Variants in POLR1A observed in about 807,000 individuals in gnomAD.
POLR1A encodes RNA polymerase I subunit A.
Under a neutral mutation model 205.3 loss-of-function variants are expected in POLR1A, and 84 were observed. That is an observed-to-expected ratio of 0.41 (90% CI 0.34 to 0.49). The LOEUF (loss-of-function observed/expected upper bound fraction) is 0.49. Ranked by LOEUF, POLR1A falls within the 20% of genes least tolerant of loss-of-function variation. The probability of loss-of-function intolerance (pLI) is 0.22; values close to 1 mark genes in which losing one functional copy is unlikely to be tolerated. For missense variants in POLR1A, 1,645 were observed against 2,204.5 expected (o/e 0.75, Z 5.08); for synonymous variants, 799 against 863.7 (o/e 0.93, Z 1.31).
rs753881669 is a variant in POLR1A, at chr2:86,047,151, G to A, written c.2733+14C>T. On this transcript the variant is annotated intron_variant, in intron 19 of 33. Coordinates refer to ENST00000263857, the MANE Select transcript of POLR1A (RefSeq NM_015425.6). ...CTGACACCTGTAAAGCTGCCAACCC[G>A]CCTCTGCACATACCTGCATCGTGTT... 37 of 1,596,650 alleles carry A rather than the reference G, an allele frequency of 2.3e-5. No homozygotes were observed. The highest frequency in any genetic ancestry group is 1.1e-4 in the South Asian group (10 of 90,518).
At chr2:86,068,498 A>G (rs764002935) in intron 13 of POLR1A, among the ~76,000 whole-genome samples, 1 of 151,258 alleles carries the variant, frequency 6.6e-6, no homozygotes, top group Non-Finnish European at 1.5e-5. Flanking sequence ...CACCAACCTC[A>G]TAAGGAAGGG....
intron 27 of POLR1A, among the ~76,000 whole-genome samples, chr2:86,035,220 C>A (rs1048773532): frequency 6.6e-6 from 1 of 151,928 alleles, no homozygotes; most frequent in African/African-American, 2.4e-5. Flanking sequence ...TTGCCCTTGG[C>A]AGAAAAAAAA....
In POLR1A at chr2:86,028,459, A is replaced by C. The variant is rs560674370; in HGVS notation, c.4897+135T>G. 6 of 708,926 alleles carry C rather than the reference A, an allele frequency of 8.5e-6. No homozygotes were observed. In the East Asian group the frequency reaches 1.5e-4, roughly 18 times the overall value. The allele number at this position is 708,926 out of a possible 1,614,324, so 43.9% of individuals were successfully genotyped here. Reference sequence around the variant, plus strand: ...AGTCTCCTACAGGTGCACTCACTGCACGCATGCTGCAGTGCCTGCCTTAGT... The same window carrying C: ...AGTCTCCTACAGGTGCACTCACTGCCCGCATGCTGCAGTGCCTGCCTTAGT... On this transcript the variant is annotated intron_variant, in intron 32 of 33. Coordinates refer to ENST00000263857, the MANE Select transcript of POLR1A (RefSeq NM_015425.6). This position sits in a 1 kb window ranked among gnomAD's most constrained non-coding sequence, Gnocchi z 4.5.
At position 86,052,774 on chromosome 2, in the gene POLR1A, C is replaced by T. The variant is rs887093944; in HGVS notation, c.2392+43G>A. 28 of 1,446,614 alleles carry T rather than the reference C, an allele frequency of 1.9e-5. No individual in the cohort carries two copies. The Middle Eastern group carries it at 1.8e-3, about 94-fold the overall frequency. The allele number at this position is 1,446,614 out of a possible 1,614,324, so 89.6% of individuals were successfully genotyped here. On this transcript the variant is annotated intron_variant, in intron 16 of 33. Transcript: ENST00000263857. ...GGCCTGGGAGATGGCCAGGCGGCTG[C>T]GCTGACGGGTCACTGCCCCAGGGCA...
chr2:86,080,765 G>A (rs758044484), intron 9 of POLR1A, 51 bp downstream of exon 9: 3 of 1,515,384 alleles, frequency 2.0e-6, no homozygotes, highest in South Asian at 1.3e-5. Context: ...AGCTCACAGA[G>A]TTAGCACTAA....
chr2:86,069,470 G>C (rs311573), intron 13 of POLR1A, among the ~76,000 whole-genome samples: 125,640 of 152,206 alleles, frequency 0.83, 52,544 homozygotes, highest in Non-Finnish European at 0.89. Context: ...TCCTTCCCTC[G>C]TGTCCCTCTG....
chr2:86,090,798 C>T (rs1427286036), intron 3 of POLR1A, among the ~76,000 whole-genome samples: 1 of 152,164 alleles, frequency 6.6e-6, no homozygotes, highest in African/African-American at 2.4e-5. Flanking sequence ...AAGTCTTAAC[C>T]TAAGCTGGGC....
intron 9 of POLR1A, among the ~76,000 whole-genome samples, chr2:86,079,232 C>T (rs1466511104): frequency 6.6e-6 from 1 of 152,208 alleles, no homozygotes; most frequent in African/African-American, 2.4e-5. Flanking sequence ...ATAAAACACT[C>T]AGGGTCCCCT....
intron 15 of POLR1A, among the ~76,000 whole-genome samples, chr2:86,053,518 T>G (rs576482913): frequency 6.6e-6 from 1 of 152,314 alleles, no homozygotes; most frequent in East Asian, 1.9e-4. Context: ...GTGTACTTTC[T>G]CAAAGCTGGG....
Position 86,083,180 on chromosome 2 carries a change from G to A in POLR1A, c.731-12C>T, listed in dbSNP as rs562794159. On this transcript the variant is annotated splice_polypyrimidine_tract_variant and intron_variant, in intron 6 of 33. Coordinates refer to ENST00000263857, the MANE Select transcript of POLR1A (RefSeq NM_015425.6). ...AGCTTCCTCAATTCCTGGAGCCAAG[G>A]AGGAGAATCAAAGTGCAATAAATCA... 2 of 1,595,870 alleles carry A rather than the reference G, an allele frequency of 1.3e-6. No individual in the cohort carries two copies. Among genetic ancestry groups the A allele is most frequent in the East Asian group, 4.5e-5 (2 of 44,790 alleles).
intron 9 of POLR1A, among the ~76,000 whole-genome samples, chr2:86,078,915 C>T (rs1486245450): frequency 6.6e-6 from 1 of 152,166 alleles, no homozygotes; most frequent in East Asian, 1.9e-4. Flanking sequence ...TCTCCCACTC[C>T]CTACCCAGGG....
At chr2:86,040,817 C>G (rs1005186399) in intron 24 of POLR1A, among the ~76,000 whole-genome samples, 4 of 152,148 alleles carry the variant, frequency 2.6e-5, no homozygotes, top group African/African-American at 9.7e-5. Flanking sequence ...TGTTTGCCCC[C>G]AGAATGTCAC....
At chr2:86,105,616 T>G in intron 1 of POLR1A, 84 bp downstream of exon 1, 1 of 888,808 alleles carries the variant, frequency 1.1e-6, no homozygotes, top group Non-Finnish European at 1.9e-6. Flanking sequence ...GAGGATAGAC[T>G]GGGCAAAAGC....
rs1303610000 is a variant in POLR1A at position 86,080,912 on chromosome 2, A to G, written c.990T>C (p.Ala330=). The change falls in exon 9 of 34, where the codon GCT becomes GCC. Residue 330 remains alanine (A), a synonymous_variant. Transcript: ENST00000263857. ...GAATCAGAACTACATCCTTCATGACAGCCTGCAAGTTCACCGTCTGGCCAT... is the reference window on the plus strand; with the variant it reads ...GAATCAGAACTACATCCTTCATGACGGCCTGCAAGTTCACCGTCTGGCCAT... The part of the protein sequence containing the change: ...FTNGQTVNLQ[A]VMKDVVLIRK... 1 of 1,614,074 alleles carries G rather than the reference A, an allele frequency of 6.2e-7. No homozygotes were observed. Among genetic ancestry groups the G allele is most frequent in the African/African-American group, 1.3e-5 (1 of 74,930 alleles).
rs758920155 is a variant in POLR1A, at chr2:86,100,140, C to G, written c.110G>C (p.Arg37Pro). Residue 37 changes from arginine (R) to proline (P), a missense_variant, in exon 2 of 34, where the codon CGA (arginine) becomes CCA (proline). Transcript: ENST00000263857. ...TGGGTTCCCCAGGCTGTCCAGGTAT[C>G]GAGGGTTCGTAATGGATTTAACACT... ...KLSVKSITNP[R>P]YLDSLGNPSA... 3 of 1,613,934 alleles carry G rather than the reference C, an allele frequency of 1.9e-6. No individual in the cohort carries two copies. Among genetic ancestry groups the G allele is most frequent in the Non-Finnish European group, 2.5e-6 (3 of 1,179,984 alleles).
At chr2:86,092,088 C>G (rs912279944) in intron 3 of POLR1A, among the ~76,000 whole-genome samples, 3 of 152,028 alleles carry the variant, frequency 2.0e-5, no homozygotes, top group Non-Finnish European at 4.4e-5. Flanking sequence ...TGCACTCCAG[C>G]CTGGGTAACA....
At chr2:86,073,925 G>A (rs1328027734) in intron 12 of POLR1A, among the ~76,000 whole-genome samples, 5 of 152,160 alleles carry the variant, frequency 3.3e-5, no homozygotes, top group African/African-American at 7.2e-5. Context: ...AGTGCCTAGC[G>A]AAACACCAGG....
chr2:86,078,108 G>T lies in POLR1A; in HGVS notation c.1257+6C>A, dbSNP rs1298663929. On this transcript the variant is annotated splice_donor_region_variant and intron_variant, in intron 10 of 33. Coordinates refer to ENST00000263857, the MANE Select transcript of POLR1A (RefSeq NM_015425.6). ...GCTAGCAATGGGAATCCAGTTTTTT[G>T]CTCACCTGCCTAATGCCTGGGTACT... The T allele has an allele frequency of 3.1e-6, 5 of 1,610,980 alleles. No homozygotes were observed. Among genetic ancestry groups the T allele is most frequent in the Non-Finnish European group, 4.2e-6 (5 of 1,179,342 alleles).
chr2:86,037,154 A>G (rs1441524532), intron 27 of POLR1A: 1 of 152,282 alleles, frequency 6.6e-6, no homozygotes, highest in African/African-American at 2.4e-5. Context: ...CTGTTAATTA[A>G]GGAGCTGGCA....
Sources: allele counts gnomAD v4.1 joint callset (sites outside exome capture counted in the v4.1 genomes callset), GRCh38; gene constraint gnomAD v4.1.1; non-coding constraint Gnocchi (gnomAD v3.1); transcripts MANE v1.5; gene names NCBI Gene and HGNC (gene_info 2026-07-23, HGNC 2026-07-21).